Variants in ZNF84 observed in about 807,000 individuals in gnomAD.
The protein encoded by ZNF84 is zinc finger protein 84, also known as zinc finger protein HPF2.
A neutral mutation model predicts 14.8 loss-of-function variants in ZNF84; 12 were observed. The ratio of observed to expected loss-of-function variants is 0.81; its 90% CI spans 0.52 to 1.31. The LOEUF (loss-of-function observed/expected upper bound fraction) is 1.31. ZNF84 is among the 50% of genes most tolerant of loss of function. The pLI, the probability that ZNF84 is intolerant of heterozygous loss-of-function variation, is 0.00. For synonymous variants in ZNF84, 347 were observed against 291.1 expected (o/e 1.19, Z -1.96); for missense variants, 859 against 878.6 (o/e 0.98, Z 0.28).
chr12:133,039,663 C>T (rs986223459), intron 1 of ZNF84, among the ~76,000 whole-genome samples: 4 of 152,236 alleles, frequency 2.6e-5, no homozygotes, highest in Non-Finnish European at 1.5e-5. Context: ...TTACAAGGCC[C>T]CAGTCGCTTT....
chr12:133,056,181 TTTG>T (rs1218143654), intron 4 of ZNF84, among the ~76,000 whole-genome samples: 6 of 152,354 alleles, frequency 3.9e-5, no homozygotes, highest in East Asian at 1.9e-4. Context: ...CAGTGTATAG[TTTG>T]TTGTTTTAAA....
intron 2 of ZNF84, among the ~76,000 whole-genome samples, chr12:133,042,488 C>T (rs1953903873): frequency 6.6e-6 from 1 of 152,076 alleles, no homozygotes; most frequent in Non-Finnish European, 1.5e-5. Context: ...TTATTTTTTA[C>T]TGTACCTAAT....
In ZNF84 at chr12:133,057,476, A is replaced by G; in HGVS notation, c.761A>G (p.His254Arg). The G allele has an allele frequency of 1.9e-6, 3 of 1,614,238 alleles. No individual in the cohort carries two copies. The highest frequency in any genetic ancestry group is 2.5e-6 in the Non-Finnish European group (3 of 1,180,044). The change falls in exon 5 of 5, where the codon CAC becomes CGC. Residue 254 changes from histidine to arginine, a missense_variant. Transcript: ENST00000539354. Reference protein sequence around the residue: ...FPQKSQFITHHRTHTGEKPYN... With the variant: ...FPQKSQFITHRRTHTGEKPYN... ...CAGAAGTCTCAGTTTATTACACATC[A>G]CAGAACTCATACAGGAGAAAAACCT...
chr12:133,060,261 G>A lies in ZNF84; in HGVS notation c.*1329G>A, dbSNP rs1232084071. The A allele has an allele frequency of 1.3e-5, 2 of 152,072 alleles. No homozygotes were observed. Among genetic ancestry groups the A allele is most frequent in the African/African-American group, 4.8e-5 (2 of 41,410 alleles). 9.4% of individuals were successfully genotyped at this position (152,072 alleles called of 1,614,324 possible). Reference sequence around the variant, plus strand: ...TCTTGTAAAAATTAGATGGATAAATGAATTATTAAAAAATCACATTTCTGA... The same window carrying A: ...TCTTGTAAAAATTAGATGGATAAATAAATTATTAAAAAATCACATTTCTGA... On this transcript the variant is annotated 3_prime_UTR_variant, in exon 5 of 5. Coordinates refer to ENST00000539354, the MANE Select transcript of ZNF84 (RefSeq NM_001289971.2).
chr12:133,048,716 G>A lies in ZNF84; in HGVS notation c.143-37G>A, dbSNP rs1954025625. On this transcript the variant is annotated intron_variant, in intron 3 of 4. Transcript: ENST00000539354. ...CTTTAGAGGCCCTAAACCCCAAGCA[G>A]TTGGGCCCAAGGCCTTTGTGATTTT... The A allele has an allele frequency of 8.3e-6, 13 of 1,570,198 alleles. No homozygotes were observed. In the South Asian group the frequency reaches 1.5e-4, roughly 18 times the overall value.
chr12:133,039,320 G>A (rs1243149439), intron 1 of ZNF84, among the ~76,000 whole-genome samples: 1 of 152,206 alleles, frequency 6.6e-6, no homozygotes, highest in Non-Finnish European at 1.5e-5. Context: ...TTATATTTTT[G>A]TGGGAATTAG....
At position 133,058,358 on chromosome 12, in the gene ZNF84, G is replaced by T; in HGVS notation, c.1643G>T (p.Cys548Phe). 6.2e-7 allele frequency: 1 copy of T among 1,614,100 alleles called. No individual in the cohort carries two copies. The highest frequency in any genetic ancestry group is 8.5e-7 in the Non-Finnish European group (1 of 1,179,992). Residue 548 changes from cysteine to phenylalanine, a missense_variant, in exon 5 of 5, where the codon TGT (cysteine) becomes TTT (phenylalanine). Physicochemically the swap from Cys to Phe is radical, Grantham distance 205. Coordinates refer to ENST00000539354, the MANE Select transcript of ZNF84 (RefSeq NM_001289971.2). ...TGEKPYECSE[C>F]GKAFGEKSSL... ...GAGAAACCCTATGAATGCAGTGAAT[G>T]TGGGAAGGCCTTTGGTGAGAAGTCA...
At position 133,062,363 on chromosome 12, in the gene ZNF84, C is replaced by T. The variant is rs1359711058; in HGVS notation, c.*3431C>T. ...TTTTAGAATGTTGACATAAAATGCACCCACAGAATGCCGTATTTATCAAAA... is the reference window on the plus strand; with the variant it reads ...TTTTAGAATGTTGACATAAAATGCATCCACAGAATGCCGTATTTATCAAAA... On this transcript the variant is annotated 3_prime_UTR_variant, in exon 5 of 5. Coordinates refer to ENST00000539354, the MANE Select transcript of ZNF84 (RefSeq NM_001289971.2). The T allele has an allele frequency of 6.6e-6, 1 of 152,186 alleles. No individual in the cohort carries two copies. The highest frequency in any genetic ancestry group is 2.4e-5 in the African/African-American group (1 of 41,442). 9.4% of individuals were successfully genotyped at this position (152,186 alleles called of 1,614,324 possible).
intron 4 of ZNF84, among the ~76,000 whole-genome samples, chr12:133,055,085 A>G (rs1166908602): frequency 6.6e-6 from 1 of 152,184 alleles, no homozygotes; most frequent in Non-Finnish European, 1.5e-5. Context: ...GTAAACACAA[A>G]TATTATGTAA....
chr12:133,063,108 A>G lies in ZNF84; in HGVS notation c.*4176A>G. Reference sequence around the variant, plus strand: ...TGGCTGTTTTCTGCCACATGGAGAAACATGGTCTGCAGTGAGAGAGAAGAA... The same window carrying G: ...TGGCTGTTTTCTGCCACATGGAGAAGCATGGTCTGCAGTGAGAGAGAAGAA... On this transcript the variant is annotated 3_prime_UTR_variant, in exon 5 of 5. Coordinates refer to ENST00000539354, the MANE Select transcript of ZNF84 (RefSeq NM_001289971.2). 1 of 702,340 alleles carries G rather than the reference A, an allele frequency of 1.4e-6. No homozygotes were observed. Among genetic ancestry groups the G allele is most frequent in the Non-Finnish European group, 2.6e-6 (1 of 384,828 alleles). 43.5% of individuals were successfully genotyped at this position (702,340 alleles called of 1,614,324 possible).
In ZNF84 at chr12:133,037,781, C is replaced by T. The variant is rs1008496597; in HGVS notation, c.-191+236C>T. The T allele has an allele frequency of 1.2e-4, 18 of 152,220 alleles. 1 individual carries two copies. Among genetic ancestry groups the T allele is most frequent in the Non-Finnish European group, 2.5e-4 (17 of 68,102 alleles). The allele number at this position is 152,220 out of a possible 1,614,324, so 9.4% of individuals were successfully genotyped here. A position where few individuals can be genotyped will look rare whatever the true frequency, so the allele number is the denominator to read the frequency against. On this transcript the variant is annotated intron_variant, in intron 1 of 4. Transcript: ENST00000539354. ...CCTTTCCGGAGGCGCCGCTCCTGGG[C>T]GTCCTTTCAGGCGGGCGTGGAGGCG...
chr12:133,044,008 C>T (rs992030552), intron 2 of ZNF84, among the ~76,000 whole-genome samples: 4 of 151,646 alleles, frequency 2.6e-5, no homozygotes, highest in South Asian at 2.1e-4. Flanking sequence ...GTGATCCACC[C>T]GCCTCGGCCT....
intron 3 of ZNF84, chr12:133,048,413 G>A: frequency 3.5e-6 from 1 of 287,068 alleles, no homozygotes; most frequent in Non-Finnish European, 6.7e-6. Context: ...AGTCATCAGA[G>A]CAATCCTATG....
At chr12:133,049,276 C>A (rs1474163532) in intron 4 of ZNF84, among the ~76,000 whole-genome samples, 2 of 152,014 alleles carry the variant, frequency 1.3e-5, no homozygotes, top group African/African-American at 2.4e-5. Context: ...AAGACACCTC[C>A]GTTTGTACAT....
chr12:133,041,592 C>G, intron 2 of ZNF84, 110 bp downstream of exon 2: 1 of 1,140,786 alleles, frequency 8.8e-7, no homozygotes, highest in Non-Finnish European at 1.3e-6. Flanking sequence ...GGAAAATAGC[C>G]TCAGATGATC....
chr12:133,038,442 C>T (rs1953827131), intron 1 of ZNF84, among the ~76,000 whole-genome samples: 1 of 144,026 alleles, frequency 6.9e-6, no homozygotes, highest in Non-Finnish European at 1.5e-5. Flanking sequence ...ATGCCTGTAG[C>T]CCCAGCTACT....
In ZNF84 at chr12:133,058,338, A is replaced by G. The variant is rs1300895607; in HGVS notation, c.1623A>G (p.Lys541=). Residue 541 remains lysine (K), a synonymous_variant, in exon 5 of 5, where the codon AAA becomes AAG. Coordinates refer to ENST00000539354, the MANE Select transcript of ZNF84 (RefSeq NM_001289971.2). Reference sequence around the variant, plus strand: ...ATCAGAGGACACATACAGGGGAGAAACCCTATGAATGCAGTGAATGTGGGA... The same window carrying G: ...ATCAGAGGACACATACAGGGGAGAAGCCCTATGAATGCAGTGAATGTGGGA... ...ISHQRTHTGE[K]PYECSECGKA... 3 of 1,613,900 alleles carry G rather than the reference A, an allele frequency of 1.9e-6. No homozygotes were observed. Among genetic ancestry groups the G allele is most frequent in the Non-Finnish European group, 2.5e-6 (3 of 1,179,948 alleles).
intron 4 of ZNF84, among the ~76,000 whole-genome samples, chr12:133,055,322 A>G (rs1954135419): frequency 6.6e-6 from 1 of 152,104 alleles, no homozygotes; most frequent in South Asian, 2.1e-4. Context: ...AATAGAATAT[A>G]CTTATATCCA....
chr12:133,059,546 A>G lies in ZNF84; in HGVS notation c.*614A>G, dbSNP rs1412148756. The G allele has an allele frequency of 6.6e-6, 1 of 152,492 alleles. No homozygotes were observed. The highest frequency in any genetic ancestry group is 1.5e-5 in the Non-Finnish European group (1 of 68,194). The allele number at this position is 152,492 out of a possible 1,614,324, so 9.4% of individuals were successfully genotyped here. A position where few individuals can be genotyped will look rare whatever the true frequency, so the allele number is the denominator to read the frequency against. On this transcript the variant is annotated 3_prime_UTR_variant, in exon 5 of 5. Transcript: ENST00000539354. The stretch of plus-strand genomic sequence containing the variant: ...AATTCTAAGTGGTTGACAGATGTTC[A>G]CTTTGAAGTGTGAAGTTTTAAAAAT...
Sources: allele counts gnomAD v4.1 joint callset (sites outside exome capture counted in the v4.1 genomes callset), GRCh38; gene constraint gnomAD v4.1.1; transcripts MANE v1.5; gene names NCBI Gene and HGNC (gene_info 2026-07-23, HGNC 2026-07-21).